Variants in RBPMS observed in about 807,000 individuals in gnomAD.
RBPMS encodes the protein RNA-binding protein with multiple splicing.
Under a neutral mutation model 26.8 loss-of-function variants are expected in RBPMS, and 7 were observed. That is an observed-to-expected ratio of 0.26 (90% confidence interval 0.15 to 0.49). The LOEUF is 0.49. RBPMS is among the 20% of genes least tolerant of loss of function. The pLI is 0.98. For synonymous variants in RBPMS, 96 were observed against 93.3 expected (o/e 1.03, Z -0.17); for missense variants, 186 against 250.0 (o/e 0.74, Z 1.73).
chr8:30,494,127 C>T (rs1203476560), intron 4 of RBPMS, among the ~76,000 whole-genome samples: 1 of 152,136 alleles, frequency 6.6e-6, no homozygotes, highest in East Asian at 1.9e-4. Flanking sequence ...CTGTGTGAAC[C>T]AACAGACATG....
chr8:30,546,133 G>A (rs1487638921), intron 6 of RBPMS, among the ~76,000 whole-genome samples: 1 of 152,170 alleles, frequency 6.6e-6, no homozygotes, highest in Non-Finnish European at 1.5e-5. Context: ...ATGACATGGG[G>A]CAACTAAGAG....
intron 1 of RBPMS, among the ~76,000 whole-genome samples, chr8:30,459,436 A>T (rs16876993): frequency 0.21 from 31,983 of 152,120 alleles, 3,684 homozygotes; most frequent in Middle Eastern, 0.32. Flanking sequence ...TATTTTAATT[A>T]TTACATGAAA....
chr8:30,486,751 C>T (rs1818835428), intron 4 of RBPMS, among the ~76,000 whole-genome samples: 2 of 152,244 alleles, frequency 1.3e-5, no homozygotes, highest in African/African-American at 4.8e-5. Flanking sequence ...CGTTCTCACA[C>T]ATGAACCAGT....
intron 7 of RBPMS, among the ~76,000 whole-genome samples, chr8:30,560,249 G>A (rs1827339887): frequency 6.6e-6 from 1 of 152,188 alleles, no homozygotes; most frequent in South Asian, 2.1e-4. Flanking sequence ...TGCTGAGTGT[G>A]GACTTCATGT....
chr8:30,510,670 CCTCCT>C (rs1821498227), intron 5 of RBPMS, among the ~76,000 whole-genome samples: 1 of 152,138 alleles, frequency 6.6e-6, no homozygotes. Context: ...GCAGCTTTGA[CCTCCT>C]CTCAAGTGAT....
intron 1 of RBPMS, chr8:30,387,300 A>C (rs560938653): frequency 6.6e-6 from 1 of 152,300 alleles, no homozygotes; most frequent in South Asian, 2.1e-4. Context: ...GAGGAAAAGA[A>C]ACTAAGGTGG....
At chr8:30,556,275 C>T (rs1826901165) in intron 6 of RBPMS, 1 of 985,464 alleles carries the variant, frequency 1.0e-6, no homozygotes, top group African/African-American at 1.7e-5. Context: ...GACCCCACAG[C>T]TCGGAACCCG....
chr8:30,449,762 T>C (rs1480188539), intron 1 of RBPMS, among the ~76,000 whole-genome samples: 2 of 152,198 alleles, frequency 1.3e-5, no homozygotes, highest in Non-Finnish European at 1.5e-5. Context: ...TCACTGGAGG[T>C]GCATTGCTGC....
At chr8:30,478,276 A>G (rs536227353) in intron 3 of RBPMS, among the ~76,000 whole-genome samples, 48 of 152,274 alleles carry the variant, frequency 3.2e-4, no homozygotes, top group African/African-American at 1.1e-3. Context: ...ACAAAATGGA[A>G]GTGGTAGTCA....
At position 30,547,407 on chromosome 8, in the gene RBPMS, G is replaced by A. The variant is rs772509643; in HGVS notation, c.528+2783G>A. On this transcript the variant is annotated intron_variant, in intron 6 of 8. Transcript: ENST00000397323. Reference sequence around the variant, plus strand: ...TACCAACCTACTGCAGACCAGCAGAGGGAGCTCCCATGTTGAATTTGTTTG... The same window carrying A: ...TACCAACCTACTGCAGACCAGCAGAAGGAGCTCCCATGTTGAATTTGTTTG... 1.9e-6 allele frequency: 3 copies of A among 1,601,816 alleles called. No individual in the cohort carries two copies. The African/African-American group carries it at 4.0e-5, about 22-fold the overall frequency.
chr8:30,506,336 T>TAAAA (rs34344286), intron 5 of RBPMS, among the ~76,000 whole-genome samples: 2 of 132,130 alleles, frequency 1.5e-5, no homozygotes, highest in African/African-American at 2.9e-5. Flanking sequence ...ATTTGAAGTT[T>TAAAA]AAAAAAAAAA....
At chr8:30,422,383 G>T (rs946230076) in intron 1 of RBPMS, among the ~76,000 whole-genome samples, 4 of 151,942 alleles carry the variant, frequency 2.6e-5, no homozygotes, top group African/African-American at 9.7e-5. Context: ...CAAAGTGCTG[G>T]GGTTACAGAC....
chr8:30,570,776 GTAT>G lies in RBPMS; in HGVS notation c.*256_*258del, dbSNP rs1828219156. ...ACACTGTATAATTGTAAGAAATAGC[GTAT>G]TATTTGTGAATGCATGGTCTGAAAT... On this transcript the variant is annotated 3_prime_UTR_variant, in exon 9 of 9. Coordinates refer to ENST00000397323, the MANE Select transcript of RBPMS (RefSeq NM_001008710.3). The G allele has an allele frequency of 6.6e-6, 1 of 152,578 alleles. No individual in the cohort carries two copies. The highest frequency in any genetic ancestry group is 2.4e-5 in the African/African-American group (1 of 41,426). The allele number at this position is 152,578 out of a possible 1,614,324, so 9.5% of individuals were successfully genotyped here. A position where few individuals can be genotyped will look rare whatever the true frequency, so the allele number is the denominator to read the frequency against.
intron 1 of RBPMS, among the ~76,000 whole-genome samples, chr8:30,422,981 TCA>T (rs1321459893): frequency 2.0e-5 from 3 of 152,216 alleles, no homozygotes; most frequent in African/African-American, 7.2e-5. Context: ...TTCTACAGGT[TCA>T]TTTTGTAGCC....
At chr8:30,556,882 C>A in intron 6 of RBPMS, 1 of 519,404 alleles carries the variant, frequency 1.9e-6, no homozygotes, top group Non-Finnish European at 2.5e-6. Context: ...GCCCCTACCT[C>A]ACCCCCATCT....
intron 1 of RBPMS, among the ~76,000 whole-genome samples, chr8:30,428,020 C>CTTTTTTTTTT (rs58756060): frequency 9.6e-6 from 1 of 103,938 alleles, no homozygotes; most frequent in Non-Finnish European, 1.9e-5. Flanking sequence ...GAGACCCCAT[C>CTTTTTTTTTT]TTTTTTTTTT....
chr8:30,425,695 C>T (rs950620291), intron 1 of RBPMS, among the ~76,000 whole-genome samples: 7 of 152,050 alleles, frequency 4.6e-5, no homozygotes, highest in South Asian at 2.1e-4. Flanking sequence ...CCACCGAGCC[C>T]GGCCCGGTGG....
At chr8:30,501,656 A>G (rs16877090) in intron 4 of RBPMS, among the ~76,000 whole-genome samples, 13,227 of 152,260 alleles carry the variant, frequency 0.087, 1,510 homozygotes, top group African/African-American at 0.26. Context: ...TAAATAGGAC[A>G]CCATTTACAT....
At position 30,394,011 on chromosome 8, in the gene RBPMS, G is replaced by A. The variant is rs117051091; in HGVS notation, c.66+8853G>A. On this transcript the variant is annotated intron_variant, in intron 1 of 8. Transcript: ENST00000397323. The stretch of plus-strand genomic sequence containing the variant: ...TAAATGCTAAAGAGAAAAAGGAAAT[G>A]GCAGTGATAAATGCCAGTCACACCG... 1.6e-4 allele frequency among the ~76,000 whole-genome samples: 12 copies of A among 77,012 alleles called. No individual in the cohort carries two copies. The East Asian group carries it at 4.0e-3, about 25-fold the overall frequency. The allele number at this position is 77,012 out of a possible 152,430, so 50.5% of individuals were successfully genotyped here.
Sources: gnomAD v4.1 joint callset for allele counts (sites outside exome capture counted in the v4.1 genomes callset) on GRCh38, gnomAD v4.1.1 for gene constraint, MANE v1.5 for transcripts, NCBI Gene and HGNC (gene_info 2026-07-23, HGNC 2026-07-21) for gene names.